VRK2: variants seen among roughly 807,000 people sequenced by gnomAD.
VRK2 encodes serine/threonine-protein kinase VRK2.
A neutral mutation model predicts 57.6 loss-of-function variants in VRK2; 60 were observed. That is an observed-to-expected ratio of 1.04 (90% CI 0.85 to 1.29). The LOEUF (loss-of-function observed/expected upper bound fraction) is 1.29, where lower values mean the gene tolerates loss of function less well. Among genes scored for constraint, VRK2 ranks in the 50% most tolerant of loss-of-function variants. The probability of loss-of-function intolerance (pLI) is 0.00; values close to 1 mark genes in which losing one functional copy is unlikely to be tolerated. For synonymous variants in VRK2, 231 were observed against 199.2 expected (o/e 1.16, Z -1.35); for missense variants, 705 against 588.1 (o/e 1.20, Z -2.06).
At chr2:58,154,480 C>G (rs934033769) in intron 12 of VRK2, among the ~76,000 whole-genome samples, 4 of 151,798 alleles carry the variant, frequency 2.6e-5, no homozygotes, top group Admixed American at 1.3e-4. Flanking sequence ...TTTATAATTT[C>G]TTGGGGTGCA....
intron 1 of VRK2, among the ~76,000 whole-genome samples, chr2:57,918,940 C>T (rs778988533): frequency 9.9e-5 from 15 of 152,084 alleles, no homozygotes; most frequent in Admixed American, 2.6e-4. Flanking sequence ...CTTGTCTGGT[C>T]TGGTATTGGC....
intron 12 of VRK2, chr2:58,147,219 T>G (rs1209742623): frequency 1.9e-6 from 1 of 517,306 alleles, no homozygotes; most frequent in Admixed American, 2.0e-5. Flanking sequence ...CTGAACTTCT[T>G]GACAGCCGAG....
At chr2:57,961,040 G>T (rs1671742003) in intron 1 of VRK2, among the ~76,000 whole-genome samples, 1 of 152,150 alleles carries the variant, frequency 6.6e-6, no homozygotes, top group South Asian at 2.1e-4. Context: ...GGTAAAAATA[G>T]ACACAAGGAC....
intron 8 of VRK2, among the ~76,000 whole-genome samples, chr2:58,129,250 G>A (rs983347296): frequency 1.3e-5 from 2 of 151,998 alleles, no homozygotes; most frequent in Non-Finnish European, 2.9e-5. Context: ...TGCCACTGAA[G>A]AACCCTATGT....
chr2:57,922,474 G>A (rs1670382732), intron 1 of VRK2, among the ~76,000 whole-genome samples: 2 of 151,758 alleles, frequency 1.3e-5, no homozygotes, highest in African/African-American at 4.8e-5. Context: ...GTGTGTGTGT[G>A]TGTGTGTGTG....
rs74605801 is a variant in VRK2, at chr2:58,004,526, T to C, written c.-438-21139T>C. ...CTGAAATAATGAGTGATGTTTGAAA[T>C]AGAGAAGTTTAAACCTGAGCTTCAA... On this transcript the variant is annotated intron_variant, in intron 1 of 15. Transcript: ENST00000417641. 7.2e-3 allele frequency among the ~76,000 whole-genome samples: 1,099 copies of C among 152,224 alleles called. 18 individuals are homozygous for C. The highest frequency in any genetic ancestry group is 0.024 in the African/African-American group (1,003 of 41,562).
chr2:58,119,294 T>G (rs917490008), intron 7 of VRK2, among the ~76,000 whole-genome samples: 7 of 150,664 alleles, frequency 4.6e-5, no homozygotes, highest in Non-Finnish European at 8.8e-5. Context: ...GGTCAGGAGT[T>G]CGAGACCAGC....
intron 1 of VRK2, among the ~76,000 whole-genome samples, chr2:57,918,914 AT>A (rs1250467819): frequency 1.3e-5 from 2 of 152,140 alleles, no homozygotes; most frequent in African/African-American, 4.8e-5. Flanking sequence ...GTATCTGAAG[AT>A]TTTTAAACTC....
intron 2 of VRK2, among the ~76,000 whole-genome samples, chr2:58,059,146 A>G (rs528587488): frequency 1.2e-3 from 186 of 152,188 alleles, no homozygotes; most frequent in Non-Finnish European, 2.3e-3. Flanking sequence ...AACATCTGAT[A>G]TTTATAGTAA....
At chr2:58,019,453 A>G (rs1450603262) in intron 1 of VRK2, among the ~76,000 whole-genome samples, 1 of 152,176 alleles carries the variant, frequency 6.6e-6, no homozygotes, top group Non-Finnish European at 1.5e-5. Context: ...AAGTGAGACA[A>G]TTGTCTAGGT....
Position 58,084,081 on chromosome 2 carries a change from G to A in VRK2, c.137-8G>A. Reference sequence around the variant, plus strand: ...TTTTTCTCCATTGTGTGTTTTTTTTGTCTGCAGCTTTCCCCACAAATAAAC... The same window carrying A: ...TTTTTCTCCATTGTGTGTTTTTTTTATCTGCAGCTTTCCCCACAAATAAAC... On this transcript the variant is annotated splice_polypyrimidine_tract_variant and splice_region_variant and intron_variant, in intron 2 of 12. Coordinates refer to ENST00000340157, the MANE Select transcript of VRK2 (RefSeq NM_006296.7). 6.2e-7 allele frequency: 1 copy of A among 1,600,038 alleles called. No homozygotes were observed. Among genetic ancestry groups the A allele is most frequent in the Admixed American group, 1.7e-5 (1 of 58,790 alleles).
At chr2:58,134,634 A>T (rs2104557729) in intron 9 of VRK2, among the ~76,000 whole-genome samples, 1 of 151,342 alleles carries the variant, frequency 6.6e-6, no homozygotes, top group East Asian at 1.9e-4. Flanking sequence ...AAAAAAAAAA[A>T]AAAGAATATG....
rs749046235 is a variant in VRK2, at chr2:58,089,691, A to C, written c.511A>C (p.Asn171His). 2.5e-6 allele frequency: 4 copies of C among 1,609,470 alleles called. No individual in the cohort carries two copies. In the East Asian group the frequency reaches 8.9e-5, roughly 36 times the overall value. ...EYVHGDIKAA[N>H]LLLGYKNPDQ... ...TGTTCATGGTGATATAAAAGCAGCA[A>C]ATCTACTTTTGGGTTACAAAAATCC... The change falls in exon 7 of 13, where the codon AAT becomes CAT. Residue 171 changes from asparagine (N) to histidine (H), a missense_variant. Asn to His is a moderately conservative substitution (Grantham distance 68). Transcript: ENST00000340157.
At chr2:58,152,518 T>C (rs1300721331) in intron 12 of VRK2, among the ~76,000 whole-genome samples, 1 of 151,978 alleles carries the variant, frequency 6.6e-6, no homozygotes, top group African/African-American at 2.4e-5. Context: ...AAAAAAAGTC[T>C]TAACATATCC....
intron 8 of VRK2, among the ~76,000 whole-genome samples, chr2:58,125,049 A>T (rs11891477): frequency 0.061 from 9,294 of 152,196 alleles, 958 homozygotes; most frequent in African/African-American, 0.21. Context: ...GAATTTTTAG[A>T]AACAGTAAGT....
chr2:57,979,287 G>A (rs909744865), intron 1 of VRK2, among the ~76,000 whole-genome samples: 1 of 151,052 alleles, frequency 6.6e-6, no homozygotes, highest in Non-Finnish European at 1.5e-5. Context: ...CACCAACAGT[G>A]TAAAAGCATT....
In VRK2 at chr2:57,916,261, C is replaced by G. The variant is rs143504715; in HGVS notation, c.-439+8422C>G. On this transcript the variant is annotated intron_variant, in intron 1 of 15. Transcript: ENST00000417641. The stretch of plus-strand genomic sequence containing the variant: ...ATCTCTACTAAAAATACAAAATTAG[C>G]CAAGCATGGTGGCACATACCTGTAA... 1.6e-4 allele frequency among the ~76,000 whole-genome samples: 24 copies of G among 151,980 alleles called. No individual in the cohort carries two copies. In the East Asian group the frequency reaches 4.7e-3, roughly 29 times the overall value.
intron 2 of VRK2, among the ~76,000 whole-genome samples, chr2:58,030,095 C>T (rs546538575): frequency 6.6e-6 from 1 of 152,182 alleles, no homozygotes; most frequent in African/African-American, 2.4e-5. Flanking sequence ...GGCTATAAGA[C>T]CTCTCCCATT....
In VRK2 at chr2:58,114,342, A is replaced by G. The variant is rs866182936; in HGVS notation, c.544-8759A>G. On this transcript the variant is annotated intron_variant, in intron 7 of 12. Transcript: ENST00000340157. ...ATGGCTTGGAGAAACAGTGTAAACC[A>G]GCAGTGTAAACAAGAGCAGGGCATG... Among the ~76,000 whole-genome samples, 397 of 147,876 alleles carry G rather than the reference A, an allele frequency of 2.7e-3. 2 individuals carry two copies. Among genetic ancestry groups the G allele is most frequent in the African/African-American group, 9.5e-3 (362 of 37,954 alleles).
Sources: allele counts gnomAD v4.1 joint callset (sites outside exome capture counted in the v4.1 genomes callset), GRCh38; gene constraint gnomAD v4.1.1; transcripts MANE v1.5; gene names NCBI Gene and HGNC (gene_info 2026-07-23, HGNC 2026-07-21).